The following CACNA1E variants were observed in gnomAD, a reference collection of about 807,000 sequenced individuals.
The protein encoded by CACNA1E is calcium voltage-gated channel subunit alpha1 E.
A neutral mutation model predicts 259.2 loss-of-function variants in CACNA1E; 40 were observed. That is an observed-to-expected ratio of 0.15 (90% CI 0.12 to 0.20). The LOEUF is 0.20. Ranked by LOEUF, CACNA1E falls within the 10% of genes least tolerant of loss-of-function variation. The pLI, the probability that CACNA1E is intolerant of heterozygous loss-of-function variation, is 1.00. For missense variants in CACNA1E, 1,874 were observed against 3,040.1 expected, an observed-to-expected ratio of 0.62 and a Z score of 9.02; for synonymous variants, 1,104 against 1,138.5, an observed-to-expected ratio of 0.97 and a Z score of 0.61.
chr1:181,649,772 T>G (rs1189477082), intron 6 of CACNA1E, among the ~76,000 whole-genome samples: 1 of 152,180 alleles, frequency 6.6e-6, no homozygotes, highest in Non-Finnish European at 1.5e-5. Flanking sequence ...AAATACTGCA[T>G]GTTCTCACTT....
intron 1 of CACNA1E, among the ~76,000 whole-genome samples, chr1:181,371,853 A>G (rs1245479058): frequency 6.6e-6 from 1 of 152,166 alleles, no homozygotes; most frequent in East Asian, 1.9e-4. Context: ...GTCCTTCCCC[A>G]TTGCTTGTTA....
chr1:181,586,152 A>G (rs1465148152), intron 6 of CACNA1E, among the ~76,000 whole-genome samples: 1 of 152,178 alleles, frequency 6.6e-6, no homozygotes, highest in Non-Finnish European at 1.5e-5. Context: ...TCTTCGATGG[A>G]TTGAATATGA....
At chr1:181,571,581 TTCTGAC>T (rs1650417193) in intron 3 of CACNA1E, among the ~76,000 whole-genome samples, 1 of 152,230 alleles carries the variant, frequency 6.6e-6, no homozygotes, top group Non-Finnish European at 1.5e-5. Flanking sequence ...GGGAATGATA[TTCTGAC>T]TCAACTTTGT....
chr1:181,712,173 G>A (rs544815009), intron 8 of CACNA1E, among the ~76,000 whole-genome samples: 29 of 152,278 alleles, frequency 1.9e-4, no homozygotes, highest in Admixed American at 5.2e-4. Context: ...AAGTTTGGCT[G>A]TGGCTCAGAT....
intron 40 of CACNA1E, among the ~76,000 whole-genome samples, chr1:181,784,037 T>C (rs1660650808): frequency 6.6e-6 from 1 of 152,226 alleles, no homozygotes. Flanking sequence ...TCACAATAGG[T>C]ATTCTAGAAA....
At chr1:181,371,762 A>G (rs779353812) in intron 1 of CACNA1E, among the ~76,000 whole-genome samples, 2 of 152,096 alleles carry the variant, frequency 1.3e-5, no homozygotes, top group Non-Finnish European at 2.9e-5. Flanking sequence ...TGATTTTTCT[A>G]TGTAGTGAAA....
chr1:181,765,419 A>G lies in CACNA1E; in HGVS notation c.4816-1127A>G, dbSNP rs1320765033. 3.9e-5 allele frequency among the ~76,000 whole-genome samples: 6 copies of G among 152,236 alleles called. No individual in the cohort carries two copies. The South Asian group carries it at 8.3e-4, about 21-fold the overall frequency. On this transcript the variant is annotated intron_variant, in intron 34 of 47. Transcript: ENST00000367573. ...CCTGTCCTTCCTTCTGGCTTTCTGT[A>G]GAGGAGGTCCACATTGCCCATCAAA...
intron 43 of CACNA1E, among the ~76,000 whole-genome samples, chr1:181,789,813 G>A (rs1019041120): frequency 1.8e-4 from 27 of 152,208 alleles, no homozygotes; most frequent in African/African-American, 6.5e-4. Flanking sequence ...GGCAGACTTT[G>A]TCTCCATCCT....
At chr1:181,560,501 A>G (rs1023604772) in intron 3 of CACNA1E, among the ~76,000 whole-genome samples, 2 of 152,070 alleles carry the variant, frequency 1.3e-5, no homozygotes, top group African/African-American at 4.8e-5. Context: ...TGCCTTTTCC[A>G]TTGTATTAAA....
chr1:181,689,787 T>G (rs1650955189), intron 7 of CACNA1E, among the ~76,000 whole-genome samples: 1 of 152,248 alleles, frequency 6.6e-6, no homozygotes, highest in Non-Finnish European at 1.5e-5. Context: ...TTTTGAGAAG[T>G]GTCTGTTCAT....
In CACNA1E at chr1:181,803,523, A is replaced by C. The variant is rs144651235; in HGVS notation, c.*4689A>C. 6.6e-6 allele frequency: 1 copy of C among 152,150 alleles called. No individual in the cohort carries two copies. 9.4% of individuals were successfully genotyped at this position (152,150 alleles called of 1,614,324 possible). A position where few individuals can be genotyped will look rare whatever the true frequency, so the allele number is the denominator to read the frequency against. ...GTTTCTTTCCTGAACCACCCTGTAC[A>C]TCATAGCCAGGTCTACCCCAAATAG... On this transcript the variant is annotated 3_prime_UTR_variant, in exon 48 of 48. Coordinates refer to ENST00000367573, the MANE Select transcript of CACNA1E (RefSeq NM_001205293.3).
intron 27 of CACNA1E, among the ~76,000 whole-genome samples, chr1:181,753,329 G>A (rs1657766891): frequency 1.3e-5 from 2 of 152,196 alleles, no homozygotes; most frequent in Non-Finnish European, 2.9e-5. Flanking sequence ...CTGTGGGAGG[G>A]GCTTGGAGTG....
At chr1:181,529,037 A>G (rs1444651377) in intron 3 of CACNA1E, among the ~76,000 whole-genome samples, 1 of 152,188 alleles carries the variant, frequency 6.6e-6, no homozygotes, top group African/African-American at 2.4e-5. Context: ...CCTTCATGGC[A>G]GCCCCTCCCA....
intron 1 of CACNA1E, among the ~76,000 whole-genome samples, chr1:181,336,282 A>G (rs1006395402): frequency 7.9e-5 from 12 of 152,250 alleles, no homozygotes; most frequent in African/African-American, 2.9e-4. Context: ...ATAACTGTTA[A>G]TAATAATGAT....
rs1199925996 is a variant in CACNA1E, at chr1:181,762,765, C to A, written c.4689+108C>A. 9 of 686,428 alleles carry A rather than the reference C, an allele frequency of 1.3e-5. No homozygotes were observed. The East Asian group carries it at 2.3e-4, about 18-fold the overall frequency. The allele number at this position is 686,428 out of a possible 1,614,324, so 42.5% of individuals were successfully genotyped here. A position where few individuals can be genotyped will look rare whatever the true frequency, so the allele number is the denominator to read the frequency against. ...TTAACCCACCAAAGCAAATGCGTAC[C>A]CCTCTAAGTGTTGGGAATTTACTCC... is the stretch of plus-strand genomic sequence containing the variant. On this transcript the variant is annotated intron_variant, in intron 33 of 47. Transcript: ENST00000367573.
At position 181,798,814 on chromosome 1, in the gene CACNA1E, G is replaced by C. The variant is rs769144197; in HGVS notation, c.6922G>C (p.Glu2308Gln). The C allele has an allele frequency of 1.1e-5, 17 of 1,526,416 alleles. No individual in the cohort carries two copies. The East Asian group carries it at 3.6e-4, about 33-fold the overall frequency. The allele number at this position is 1,526,416 out of a possible 1,614,324, so 94.6% of individuals were successfully genotyped here. A position where few individuals can be genotyped will look rare whatever the true frequency, so the allele number is the denominator to read the frequency against. The change falls in exon 48 of 48, where the codon GAA (glutamate) becomes CAA (glutamine). Residue 2308 changes from glutamate (E) to glutamine (Q), a missense_variant. Transcript: ENST00000367573. This position sits in a 1 kb window ranked among gnomAD's most constrained non-coding sequence, Gnocchi z 4.2. ...TGTCAACAACCTGCTAAGTGACACGGAAGAAGATGACAAATGCTAGAGGCT... is the reference window on the plus strand; with the variant it reads ...TGTCAACAACCTGCTAAGTGACACGCAAGAAGATGACAAATGCTAGAGGCT... ...GAVNNLLSDT[E>Q]EDDKC
At chr1:181,784,967 G>A (rs192156458) in intron 41 of CACNA1E, among the ~76,000 whole-genome samples, 199 bp downstream of exon 41, 1 of 152,294 alleles carries the variant, frequency 6.6e-6, no homozygotes, top group Admixed American at 6.5e-5. Context: ...TGGGTGTATA[G>A]CTCTCTCCCT....
At chr1:181,338,681 T>G (rs1334844947) in intron 1 of CACNA1E, among the ~76,000 whole-genome samples, 1 of 152,200 alleles carries the variant, frequency 6.6e-6, no homozygotes, top group Non-Finnish European at 1.5e-5. Flanking sequence ...CACTTGTTTA[T>G]TTTTGCTTTT....
exon 1 of CACNA1E, chr1:181,317,890 CTT>C (rs985668232): frequency 1.1e-4 from 17 of 151,892 alleles, no homozygotes; most frequent in African/African-American, 4.1e-4. Flanking sequence ...AATTGTCTCT[CTT>C]CTCTTTTATT....
Sources: gnomAD v4.1 joint callset for allele counts (sites outside exome capture counted in the v4.1 genomes callset) on GRCh38, gnomAD v4.1.1 for gene constraint, Gnocchi (gnomAD v3.1) non-coding constraint, MANE v1.5 for transcripts, NCBI Gene and HGNC (gene_info 2026-07-23, HGNC 2026-07-21) for gene names.